Variants in RSRC1 observed in about 807,000 individuals in gnomAD.
The protein encoded by RSRC1 is arginine and serine rich coiled-coil 1, also known as serine/Arginine-related protein 53.
Under a neutral mutation model 49.1 loss-of-function variants are expected in RSRC1, and 39 were observed. The ratio of observed to expected loss-of-function variants is 0.79; its 90% confidence interval spans 0.61 to 1.04. The LOEUF (loss-of-function observed/expected upper bound fraction) is 1.04. RSRC1 is among the 50% of genes least tolerant of loss of function. RSRC1 has a pLI of 0.00. For missense variants in RSRC1, 388 were observed against 402.4 expected (o/e 0.96, Z 0.31); for synonymous variants, 143 against 130.8 (o/e 1.09, Z -0.63).
chr3:158,461,188 T>C lies in RSRC1; in HGVS notation c.652+185T>C, dbSNP rs139866479. On this transcript the variant is annotated intron_variant, in intron 7 of 9. Transcript: ENST00000611884. ...AATGTTTGCTCTCATAAGATTAGTTTATAAGCATGCTATTATATATTCTGG... is the reference window on the plus strand; with the variant it reads ...AATGTTTGCTCTCATAAGATTAGTTCATAAGCATGCTATTATATATTCTGG... 5.2e-3 allele frequency among the ~76,000 whole-genome samples: 789 copies of C among 152,052 alleles called. 11 individuals are homozygous for C. The highest frequency in any genetic ancestry group is 0.018 in the African/African-American group (762 of 41,566).
Position 158,354,918 on chromosome 3 carries a change from G to A in RSRC1, c.583+10G>A, listed in dbSNP as rs138991341. The A allele has an allele frequency of 7.6e-4, 1,172 of 1,532,892 alleles. 1 individual carries two copies. Among genetic ancestry groups the A allele is most frequent in the Non-Finnish European group, 9.6e-4 (1,093 of 1,144,010 alleles). The allele number at this position is 1,532,892 out of a possible 1,614,324, so 95.0% of individuals were successfully genotyped here. ...GTTCTTGAAGCTGCTGGTAAGTGTT[G>A]ATAATTAACTTTTATTAAATGAAGA... On this transcript the variant is annotated intron_variant, in intron 6 of 9. Coordinates refer to ENST00000611884, the MANE Select transcript of RSRC1 (RefSeq NM_001271838.2).
intron 6 of RSRC1, among the ~76,000 whole-genome samples, chr3:158,371,732 A>G (rs893179457): frequency 9.9e-5 from 15 of 152,074 alleles, no homozygotes; most frequent in Admixed American, 8.5e-4. Context: ...ACCTAAGACT[A>G]GGATTGCTGG....
intron 4 of RSRC1, among the ~76,000 whole-genome samples, chr3:158,273,734 A>C (rs1725648451): frequency 6.6e-6 from 1 of 152,124 alleles, no homozygotes; most frequent in African/African-American, 2.4e-5. Context: ...ACTTTCTTTG[A>C]GTTAAAACAT....
At chr3:158,484,026 A>G (rs1446197261) in intron 7 of RSRC1, among the ~76,000 whole-genome samples, 2 of 152,126 alleles carry the variant, frequency 1.3e-5, no homozygotes, top group African/African-American at 2.4e-5. Flanking sequence ...TTGTTCCTCC[A>G]TGCAGTGATA....
At chr3:158,227,985 C>G (rs905013086) in intron 4 of RSRC1, among the ~76,000 whole-genome samples, 13 of 152,154 alleles carry the variant, frequency 8.5e-5, no homozygotes, top group Admixed American at 7.2e-4. Context: ...AAATGAGGTG[C>G]AAACCATTGC....
intron 4 of RSRC1, among the ~76,000 whole-genome samples, chr3:158,288,574 T>A (rs827139): frequency 0.69 from 105,110 of 152,056 alleles, 36,762 homozygotes; most frequent in East Asian, 0.84. Flanking sequence ...ATTGGACAGT[T>A]ACTATTTTAT....
chr3:158,219,625 C>T (rs1408540544), intron 4 of RSRC1, among the ~76,000 whole-genome samples: 1 of 151,482 alleles, frequency 6.6e-6, no homozygotes, highest in Non-Finnish European at 1.5e-5. Context: ...GGAGGTGCCA[C>T]AGGATTTTTG....
intron 4 of RSRC1, among the ~76,000 whole-genome samples, chr3:158,240,351 A>G (rs941715809): frequency 4.6e-5 from 7 of 152,016 alleles, no homozygotes; most frequent in Non-Finnish European, 8.8e-5. Context: ...AAATTTACAT[A>G]TTTCATATTT....
chr3:158,540,215 A>G (rs1037882102), intron 8 of RSRC1, among the ~76,000 whole-genome samples: 2 of 152,224 alleles, frequency 1.3e-5, no homozygotes, highest in African/African-American at 2.4e-5. Flanking sequence ...ATCTAGGCAC[A>G]GTGTGTTGGA....
At chr3:158,325,425 C>G (rs1729071426) in intron 5 of RSRC1, among the ~76,000 whole-genome samples, 1 of 152,106 alleles carries the variant, frequency 6.6e-6, no homozygotes, top group African/African-American at 2.4e-5. Context: ...AGGAAGTGAT[C>G]CAGTTTCAGC....
chr3:158,261,604 C>T (rs369902829), intron 4 of RSRC1, among the ~76,000 whole-genome samples: 1 of 152,204 alleles, frequency 6.6e-6, no homozygotes, highest in Admixed American at 6.5e-5. Context: ...AGCGAAGCTT[C>T]ATCTGTATTT....
At chr3:158,498,652 C>T (rs751669655) in intron 7 of RSRC1, among the ~76,000 whole-genome samples, 4 of 152,244 alleles carry the variant, frequency 2.6e-5, no homozygotes, top group South Asian at 2.1e-4. Flanking sequence ...CCTAAACCAA[C>T]GTCTAGAAGG....
chr3:158,433,109 A>C (rs1735865101), intron 6 of RSRC1, among the ~76,000 whole-genome samples: 1 of 151,992 alleles, frequency 6.6e-6, no homozygotes, highest in Non-Finnish European at 1.5e-5. Context: ...TTCAGTGTTA[A>C]AATTGATGAG....
chr3:158,143,755 A>G (rs536850513), intron 3 of RSRC1, among the ~76,000 whole-genome samples: 1 of 152,352 alleles, frequency 6.6e-6, no homozygotes, highest in African/African-American at 2.4e-5. Context: ...AGCTGGTAGA[A>G]AAGCCTTCTG....
chr3:158,468,835 A>C (rs1229526263), intron 7 of RSRC1, among the ~76,000 whole-genome samples: 1 of 152,206 alleles, frequency 6.6e-6, no homozygotes, highest in Non-Finnish European at 1.5e-5. Flanking sequence ...CACCTTTACA[A>C]AATTAATTAA....
intron 5 of RSRC1, among the ~76,000 whole-genome samples, chr3:158,328,558 G>T (rs986008645): frequency 2.0e-5 from 3 of 152,084 alleles, no homozygotes; most frequent in Non-Finnish European, 2.9e-5. Flanking sequence ...TTGTATATTG[G>T]CCCCCACTCT....
intron 7 of RSRC1, among the ~76,000 whole-genome samples, chr3:158,467,521 T>G (rs965805712): frequency 3.3e-5 from 5 of 152,188 alleles, no homozygotes; most frequent in Admixed American, 3.3e-4. Context: ...TGCTTTTGTT[T>G]GTCTGGTTTT....
At chr3:158,429,540 G>T (rs1378330497) in intron 6 of RSRC1, among the ~76,000 whole-genome samples, 1 of 143,684 alleles carries the variant, frequency 7.0e-6, no homozygotes. Flanking sequence ...ATATAATGCT[G>T]TCTTTTCATG....
chr3:158,140,034 A>C (rs762975432), intron 3 of RSRC1, among the ~76,000 whole-genome samples: 1 of 152,008 alleles, frequency 6.6e-6, no homozygotes, highest in Non-Finnish European at 1.5e-5. Context: ...ATACATGGTA[A>C]ATTTTTTCCT....
Sources: allele counts gnomAD v4.1 joint callset (sites outside exome capture counted in the v4.1 genomes callset), GRCh38; gene constraint gnomAD v4.1.1; transcripts MANE v1.5; gene names NCBI Gene and HGNC (gene_info 2026-07-23, HGNC 2026-07-21).